TMEM109: variants seen among roughly 807,000 people sequenced by gnomAD.
The protein encoded by TMEM109 is transmembrane protein 109.
TMEM109 carries 19 observed loss-of-function variants against 26.4 expected under a neutral mutation model. The ratio of observed to expected loss-of-function variants is 0.72; its 90% CI spans 0.50 to 1.06. TMEM109 has a LOEUF of 1.06. Among genes scored for constraint, TMEM109 ranks in the 50% least tolerant of loss-of-function variants. The pLI is 0.00. For synonymous variants in TMEM109, 129 were observed against 142.0 expected (o/e 0.91, Z 0.65); for missense variants, 262 against 303.4 (o/e 0.86, Z 1.01).
In TMEM109 at chr11:60,922,066, A is replaced by G. The variant is rs774124860; in HGVS notation, c.633A>G (p.Gln211=). 6.2e-7 allele frequency: 1 copy of G among 1,613,320 alleles called. No individual in the cohort carries two copies. Among genetic ancestry groups the G allele is most frequent in the Non-Finnish European group, 8.5e-7 (1 of 1,179,944 alleles). The part of the protein sequence containing the change: ...RLTGSRASGA[Q]LEAKVRGLER... ...CTGGCTCCCGAGCCTCTGGGGCCCA[A>G]CTCGAGGCCAAGGTGCGAGGGCTGG... The change falls in exon 4 of 4, where the codon CAA becomes CAG. Residue 211 remains glutamine, a synonymous_variant. Transcript: ENST00000227525.
intron 1 of TMEM109, among the ~76,000 whole-genome samples, chr11:60,916,945 G>C (rs1166954827): frequency 6.6e-6 from 1 of 152,172 alleles, no homozygotes; most frequent in Non-Finnish European, 1.5e-5. Flanking sequence ...CCCCAACATG[G>C]TTATGACCCA....
In TMEM109 at chr11:60,915,731, G is replaced by A. The variant is rs1344814433; in HGVS notation, c.-9+1463G>A. 9.2e-5 allele frequency among the ~76,000 whole-genome samples: 14 copies of A among 152,270 alleles called. No individual in the cohort carries two copies. The East Asian group carries it at 2.7e-3, about 29-fold the overall frequency. On this transcript the variant is annotated intron_variant, in intron 1 of 3. Coordinates refer to ENST00000227525, the MANE Select transcript of TMEM109 (RefSeq NM_024092.3). Reference sequence around the variant, plus strand: ...CTAACAAAAGGAAAGAGAAGAGGAGGAAGGAGCCTTGATTGGGAGGGGGGG... The same window carrying A: ...CTAACAAAAGGAAAGAGAAGAGGAGAAAGGAGCCTTGATTGGGAGGGGGGG...
chr11:60,918,005 A>G (rs908705423), intron 1 of TMEM109, among the ~76,000 whole-genome samples: 9 of 152,116 alleles, frequency 5.9e-5, no homozygotes, highest in Non-Finnish European at 1.0e-4. Context: ...GTTGGAGACA[A>G]TACAGCAGAG....
rs765962512 is a variant in TMEM109 at position 60,921,906 on chromosome 11, G to A, written c.473G>A (p.Arg158Gln). 1.2e-5 allele frequency: 19 copies of A among 1,614,162 alleles called. No individual in the cohort carries two copies. Among genetic ancestry groups the A allele is most frequent in the South Asian group, 7.7e-5 (7 of 91,078 alleles). Residue 158 changes from arginine to glutamine, a missense_variant, in exon 4 of 4, where the codon CGG becomes CAG. Coordinates refer to ENST00000227525, the MANE Select transcript of TMEM109 (RefSeq NM_024092.3). ...GGCTTGGTCTTGGCCTTGCTGGGGCGGATCCTGTGGGGCCTGAAGCTTGTC... is the reference window on the plus strand; with the variant it reads ...GGCTTGGTCTTGGCCTTGCTGGGGCAGATCCTGTGGGGCCTGAAGCTTGTC... ...LLGLVLALLG[R>Q]ILWGLKLVIF... is the part of the protein sequence containing the mutation.
intron 1 of TMEM109, among the ~76,000 whole-genome samples, chr11:60,914,928 G>T (rs530700044): frequency 1.3e-5 from 2 of 152,248 alleles, no homozygotes; most frequent in Admixed American, 6.5e-5. Flanking sequence ...TTTAGACTCA[G>T]CTGTGCTTCT....
At chr11:60,920,764 CCA>C (rs1856226360) in intron 2 of TMEM109, 120 bp from the exon 3 acceptor site, 2 of 906,534 alleles carry the variant, frequency 2.2e-6, no homozygotes, top group Admixed American at 1.8e-5. Flanking sequence ...AGGCCTGTCA[CCA>C]CTGGGTGAGA....
intron 3 of TMEM109, 39 bp downstream of exon 3, chr11:60,921,027 C>T (rs1223300341): frequency 2.6e-6 from 4 of 1,534,060 alleles, no homozygotes; most frequent in Non-Finnish European, 3.6e-6. Context: ...CAGAGCTTTG[C>T]CTGTACTTTC....
At chr11:60,921,282 A>G (rs993643186) in intron 3 of TMEM109, among the ~76,000 whole-genome samples, 1 of 152,152 alleles carries the variant, frequency 6.6e-6, no homozygotes, top group Non-Finnish European at 1.5e-5. Context: ...TTAGCCAAGC[A>G]TGGTGGCGTG....
intron 2 of TMEM109, 119 bp downstream of exon 2, chr11:60,920,049 C>T: frequency 1.2e-6 from 1 of 825,698 alleles, no homozygotes; most frequent in South Asian, 1.6e-5. Context: ...CCCCAAATTC[C>T]ACAAAAAGAA....
At position 60,920,933 on chromosome 11, in the gene TMEM109, C is replaced by T; in HGVS notation, c.285C>T (p.Ala95=). Residue 95 remains alanine (A), a synonymous_variant, in exon 3 of 4, where the codon GCC becomes GCT. Transcript: ENST00000227525. ...LWAISSAISV[A]FFALSGIAAQ... is the part of the protein sequence containing the mutation. ...CCATCTCATCAGCCATTTCTGTGGC[C>T]TTCTTTGCTCTGTCTGGGATCGCCG... 1 of 1,614,234 alleles carries T rather than the reference C, an allele frequency of 6.2e-7. No homozygotes were observed. Among genetic ancestry groups the T allele is most frequent in the African/African-American group, 1.3e-5 (1 of 75,074 alleles).
At chr11:60,915,541 A>T (rs529385011) in intron 1 of TMEM109, among the ~76,000 whole-genome samples, 54 of 152,314 alleles carry the variant, frequency 3.5e-4, no homozygotes, top group South Asian at 2.1e-3. Context: ...GGTGGGGCAG[A>T]CGTCCTTGTT....
chr11:60,914,377 G>GA (rs1358043056), intron 1 of TMEM109, 109 bp downstream of exon 1: 1 of 152,312 alleles, frequency 6.6e-6, no homozygotes, highest in East Asian at 1.9e-4. Flanking sequence ...TCCGAGTGGG[G>GA]AGGGGTCCGC....
chr11:60,917,469 G>T (rs1326541856), intron 1 of TMEM109, among the ~76,000 whole-genome samples: 2 of 152,186 alleles, frequency 1.3e-5, no homozygotes, highest in African/African-American at 4.8e-5. Flanking sequence ...AGTAGAAGTT[G>T]AACTTGTGTA....
At chr11:60,918,166 G>A (rs150753774) in intron 1 of TMEM109, among the ~76,000 whole-genome samples, 287 of 152,282 alleles carry the variant, frequency 1.9e-3, no homozygotes, top group Non-Finnish European at 3.2e-3. Flanking sequence ...AAATGAGCGC[G>A]GTGGTGCATG....
At position 60,922,085 on chromosome 11, in the gene TMEM109, G is replaced by A. The variant is rs1358037373; in HGVS notation, c.652G>A (p.Gly218Arg). 2 of 1,613,296 alleles carry A rather than the reference G, an allele frequency of 1.2e-6. No homozygotes were observed. The highest frequency in any genetic ancestry group is 1.7e-5 in the Admixed American group (1 of 60,008). The change falls in exon 4 of 4, where the codon GGG (glycine) becomes AGG (arginine). Residue 218 changes from glycine to arginine, a missense_variant. Transcript: ENST00000227525. Reference protein sequence around the residue: ...SGAQLEAKVRGLERQVEELRW... With the variant: ...SGAQLEAKVRRLERQVEELRW... ...GGCCCAACTCGAGGCCAAGGTGCGA[G>A]GGCTGGAACGCCAGGTGGAGGAGCT...
chr11:60,919,892 G>C lies in TMEM109; in HGVS notation c.199G>C (p.Ala67Pro). 6.2e-7 allele frequency: 1 copy of C among 1,614,220 alleles called. No homozygotes were observed. Among genetic ancestry groups the C allele is most frequent in the Non-Finnish European group, 8.5e-7 (1 of 1,180,034 alleles). Residue 67 changes from alanine to proline, a missense_variant, in exon 2 of 4, where the codon GCC (alanine) becomes CCC (proline). Physicochemically the swap from Ala to Pro is conservative, Grantham distance 27. Transcript: ENST00000227525. ...IGRSVRGTLDAWIGPETMHLV... is the reference protein window; with the variant it reads ...IGRSVRGTLDPWIGPETMHLV... ...TCGATCTGTGCGAGGGACACTGGAT[G>C]CCTGGATTGGGCCAGAGACCATGCA...
chr11:60,917,982 C>T (rs1856190702), intron 1 of TMEM109, among the ~76,000 whole-genome samples: 1 of 152,166 alleles, frequency 6.6e-6, no homozygotes, highest in East Asian at 1.9e-4. Flanking sequence ...TTCTAAATCA[C>T]TTCTGAGACT....
rs1231772391 is a variant in TMEM109, at chr11:60,923,078, A to G, written c.*913A>G. On this transcript the variant is annotated 3_prime_UTR_variant, in exon 4 of 4. Transcript: ENST00000227525. The stretch of plus-strand genomic sequence containing the variant: ...TGCACTTCTCTCCCCATCGCTCCAC[A>G]ACCTGAAACCGAGAAGGAGTTGCTG... 1 of 152,580 alleles carries G rather than the reference A, an allele frequency of 6.6e-6. No individual in the cohort carries two copies. The highest frequency in any genetic ancestry group is 1.5e-5 in the Non-Finnish European group (1 of 68,094). 9.5% of individuals were successfully genotyped at this position (152,580 alleles called of 1,614,324 possible). A position where few individuals can be genotyped will look rare whatever the true frequency, so the allele number is the denominator to read the frequency against.
chr11:60,920,917 C>T lies in TMEM109; in HGVS notation c.269C>T (p.Ser90Leu), dbSNP rs1441443221. ...TCCCAAGTGTTGTGGGCCATCTCAT[C>T]AGCCATTTCTGTGGCCTTCTTTGCT... ...SSSQVLWAIS[S>L]AISVAFFALS... Residue 90 changes from serine to leucine, a missense_variant, in exon 3 of 4, where the codon TCA (serine) becomes TTA (leucine). Physicochemically the swap from Ser to Leu is moderately radical, Grantham distance 145. Transcript: ENST00000227525. 1 of 1,614,180 alleles carries T rather than the reference C, an allele frequency of 6.2e-7. No individual in the cohort carries two copies. The highest frequency in any genetic ancestry group is 1.7e-5 in the Admixed American group (1 of 60,026).
Sources: allele counts gnomAD v4.1 joint callset (sites outside exome capture counted in the v4.1 genomes callset), GRCh38; gene constraint gnomAD v4.1.1; transcripts MANE v1.5; gene names NCBI Gene and HGNC (gene_info 2026-07-23, HGNC 2026-07-21).